Variants in CRPPA observed in about 807,000 individuals in gnomAD.
CRPPA encodes the protein CDP-L-ribitol pyrophosphorylase A.
In CRPPA, 43 loss-of-function variants were observed where a neutral mutation model predicts 52.0. That is an observed-to-expected ratio of 0.83 (90% CI 0.65 to 1.07). The LOEUF is 1.07. Ranked by LOEUF, CRPPA falls within the 50% of genes least tolerant of loss-of-function variation. The pLI is 0.00. For synonymous variants in CRPPA, 250 were observed against 203.5 expected (o/e 1.23, Z -1.94); for missense variants, 629 against 551.7 (o/e 1.14, Z -1.40).
intron 5 of CRPPA, among the ~76,000 whole-genome samples, chr7:16,299,279 G>A (rs751276025): frequency 4.6e-5 from 7 of 152,260 alleles, no homozygotes; most frequent in Middle Eastern, 3.4e-3. Context: ...GTCATAAATG[G>A]AAGGGGTAAT....
chr7:16,381,956 C>A (rs1281724224), intron 2 of CRPPA, among the ~76,000 whole-genome samples: 1 of 152,020 alleles, frequency 6.6e-6, no homozygotes, highest in African/African-American at 2.4e-5. Flanking sequence ...ATTTGCCAGT[C>A]TGTGTCTTTT....
chr7:16,377,787 A>G (rs1200749121), intron 2 of CRPPA, among the ~76,000 whole-genome samples: 1 of 152,196 alleles, frequency 6.6e-6, no homozygotes, highest in Non-Finnish European at 1.5e-5. Flanking sequence ...TCCCAGTATG[A>G]AGGGCAGACT....
chr7:16,221,603 AAAAC>A (rs1277201787), intron 8 of CRPPA, among the ~76,000 whole-genome samples: 4 of 151,960 alleles, frequency 2.6e-5, no homozygotes, highest in Admixed American at 1.3e-4. Flanking sequence ...TTACAAGAAA[AAAAC>A]AAACAACCCC....
At chr7:16,319,211 C>T (rs1785206593) in intron 3 of CRPPA, among the ~76,000 whole-genome samples, 1 of 152,136 alleles carries the variant, frequency 6.6e-6, no homozygotes, top group Non-Finnish European at 1.5e-5. Context: ...TTTCTGTATG[C>T]TTATGACTCA....
chr7:16,403,060 A>G (rs556540963), intron 2 of CRPPA, among the ~76,000 whole-genome samples: 3 of 152,318 alleles, frequency 2.0e-5, no homozygotes, highest in South Asian at 2.1e-4. Context: ...AAGGATTACA[A>G]TTAGGTTGGT....
intron 2 of CRPPA, among the ~76,000 whole-genome samples, chr7:16,394,637 A>G (rs966021623): frequency 2.0e-5 from 3 of 152,180 alleles, no homozygotes; most frequent in Non-Finnish European, 4.4e-5. Context: ...CACCTTGATT[A>G]CCAAAAACTA....
At chr7:16,381,988 T>A (rs1000220387) in intron 2 of CRPPA, among the ~76,000 whole-genome samples, 1 of 152,078 alleles carries the variant, frequency 6.6e-6, no homozygotes, top group African/African-American at 2.4e-5. Context: ...TTAGTCCATT[T>A]ACATTTAAAG....
chr7:16,402,392 C>G (rs1036550386), intron 2 of CRPPA, among the ~76,000 whole-genome samples: 28 of 152,156 alleles, frequency 1.8e-4, no homozygotes, highest in African/African-American at 6.8e-4. Context: ...GAAACACACC[C>G]TTATCCCATG....
chr7:16,238,159 A>T (rs768420293), intron 8 of CRPPA, among the ~76,000 whole-genome samples: 2 of 152,198 alleles, frequency 1.3e-5, no homozygotes, highest in Non-Finnish European at 2.9e-5. Context: ...TTATTTCCTT[A>T]ATATATAATA....
chr7:16,275,401 C>A (rs888875207), intron 6 of CRPPA, among the ~76,000 whole-genome samples: 6 of 152,108 alleles, frequency 3.9e-5, no homozygotes, highest in African/African-American at 1.4e-4. Context: ...AAGCACCAGC[C>A]TGAGAAGTCT....
chr7:16,248,692 T>C (rs1305915317), intron 8 of CRPPA, among the ~76,000 whole-genome samples: 2 of 152,098 alleles, frequency 1.3e-5, no homozygotes, highest in Non-Finnish European at 2.9e-5. Context: ...AGGTACCTAG[T>C]TCATCTCATT....
In CRPPA at chr7:16,131,558, G is replaced by A. The variant is rs117749176; in HGVS notation, c.1252-39759C>T. Among the ~76,000 whole-genome samples, 128 of 152,250 alleles carry A rather than the reference G, an allele frequency of 8.4e-4. 7 individuals are homozygous for A. In the East Asian group the frequency reaches 0.024, roughly 28 times the overall value. The stretch of plus-strand genomic sequence containing the variant: ...GCACATTTTGACAGCCATGTGCAGA[G>A]TGCCCAGGTGTCAAGGCTTTCTCCA... On this transcript the variant is annotated intron_variant, in intron 9 of 9. Coordinates refer to ENST00000407010, the MANE Select transcript of CRPPA (RefSeq NM_001101426.4).
At chr7:16,211,573 T>C (rs942664658) in intron 9 of CRPPA, among the ~76,000 whole-genome samples, 1 of 152,142 alleles carries the variant, frequency 6.6e-6, no homozygotes, top group Admixed American at 6.5e-5. Context: ...CACCCATGAT[T>C]ACCATAAAAA....
chr7:16,312,802 G>C (rs941480727), intron 3 of CRPPA, among the ~76,000 whole-genome samples: 1 of 151,846 alleles, frequency 6.6e-6, no homozygotes, highest in African/African-American at 2.4e-5. Context: ...GTTGTATTTT[G>C]TCAAATGCTT....
chr7:16,408,127 A>AT lies in CRPPA; in HGVS notation c.258-1791_258-1790insA, dbSNP rs1192281407. Among the ~76,000 whole-genome samples, 3 of 151,440 alleles carry AT rather than the reference A, an allele frequency of 2.0e-5. No individual in the cohort carries two copies. In the East Asian group the frequency reaches 5.8e-4, roughly 29 times the overall value. On this transcript the variant is annotated intron_variant, in intron 1 of 9. Transcript: ENST00000407010. ...TGTCTTTAAAAAAAAAAAAATAAAA[A>AT]AATAACTTATCAGCATCGAGGATAC...
chr7:16,191,314 A>T (rs1781605213), intron 9 of CRPPA, among the ~76,000 whole-genome samples: 1 of 152,130 alleles, frequency 6.6e-6, no homozygotes, highest in South Asian at 2.1e-4. Context: ...CTGAACTTCC[A>T]GGATTTATCA....
At chr7:16,164,282 T>G (rs565944260) in intron 9 of CRPPA, among the ~76,000 whole-genome samples, 4 of 152,380 alleles carry the variant, frequency 2.6e-5, no homozygotes, top group African/African-American at 7.2e-5. Flanking sequence ...TGATATTCTT[T>G]CTTCCACTTG....
intron 2 of CRPPA, among the ~76,000 whole-genome samples, chr7:16,384,343 T>G (rs139290600): frequency 6.6e-6 from 1 of 152,178 alleles, no homozygotes; most frequent in African/African-American, 2.4e-5. Flanking sequence ...TGGAGATACA[T>G]GAGCACAAAA....
chr7:16,234,446 G>A (rs576639972), intron 8 of CRPPA, among the ~76,000 whole-genome samples: 1 of 151,894 alleles, frequency 6.6e-6, no homozygotes, highest in Non-Finnish European at 1.5e-5. Flanking sequence ...AATAAAAAAC[G>A]TTTTTCTAAA....
Sources: allele counts gnomAD v4.1 joint callset (sites outside exome capture counted in the v4.1 genomes callset), GRCh38; gene constraint gnomAD v4.1.1; transcripts MANE v1.5; gene names NCBI Gene and HGNC (gene_info 2026-07-23, HGNC 2026-07-21).